Variants in SLC24A4 observed in about 807,000 individuals in gnomAD.
SLC24A4 encodes the protein solute carrier family 24 member 4, also known as sodium/potassium/calcium exchanger 4.
In SLC24A4, 53 loss-of-function variants were observed where a neutral mutation model predicts 79.0. That is an observed-to-expected ratio of 0.67 (90% CI 0.54 to 0.84). The LOEUF is 0.84. Among genes scored for constraint, SLC24A4 ranks in the 40% least tolerant of loss-of-function variants. The pLI, the probability that SLC24A4 is intolerant of heterozygous loss-of-function variation, is 0.00. For synonymous variants in SLC24A4, 323 were observed against 323.8 expected (o/e 1.00, Z 0.03); for missense variants, 731 against 822.0 (o/e 0.89, Z 1.35).
At chr14:92,361,359 G>A (rs1161345008) in intron 2 of SLC24A4, among the ~76,000 whole-genome samples, 1 of 151,788 alleles carries the variant, frequency 6.6e-6, no homozygotes, top group Non-Finnish European at 1.5e-5. Flanking sequence ...AAGCAAGGTT[G>A]GGAAGGGAGG....
At chr14:92,483,663 G>A in intron 13 of SLC24A4, 1 of 1,182,402 alleles carries the variant, frequency 8.5e-7, no homozygotes, top group Non-Finnish European at 1.1e-6. Context: ...GGCCACACAG[G>A]AGCCTCCTTC....
At chr14:92,474,855 A>ACACATATATATG (rs2139902269) in intron 12 of SLC24A4, among the ~76,000 whole-genome samples, 1 of 16,728 alleles carries the variant, frequency 6.0e-5, no homozygotes, top group African/African-American at 1.4e-4. Context: ...ATATATATAT[A>ACACATATATATG]TATATATATT....
chr14:92,499,095 T>C lies in SLC24A4; in HGVS notation c.*5467T>C, dbSNP rs1349783583. On this transcript the variant is annotated 3_prime_UTR_variant, in exon 17 of 17. Coordinates refer to ENST00000532405, the MANE Select transcript of SLC24A4 (RefSeq NM_153646.4). ...TCCTAACTTTTCAATGACAAATGGC[T>C]CCCAGGTGCCATAGTCTCTGTTAAA... 6.6e-6 allele frequency: 1 copy of C among 152,194 alleles called. No homozygotes were observed. Among genetic ancestry groups the C allele is most frequent in the Non-Finnish European group, 1.5e-5 (1 of 68,026 alleles). The allele number at this position is 152,194 out of a possible 1,614,324, so 9.4% of individuals were successfully genotyped here.
At chr14:92,450,904 A>C (rs1298446232) in intron 10 of SLC24A4, 3 of 152,310 alleles carry the variant, frequency 2.0e-5, no homozygotes, top group Non-Finnish European at 2.9e-5. Context: ...ACCTTCCCAG[A>C]GCAACCCAGG....
intron 2 of SLC24A4, among the ~76,000 whole-genome samples, chr14:92,337,932 C>G (rs1885908533): frequency 1.3e-5 from 2 of 152,014 alleles, no homozygotes; most frequent in Admixed American, 6.6e-5. Context: ...TCGGAGCTGC[C>G]CTCTGATAAA....
In SLC24A4 at chr14:92,329,648, G is replaced by A. The variant is rs141192347; in HGVS notation, c.241+3670G>A. Among the ~76,000 whole-genome samples the A allele has an allele frequency of 4.5e-3, 678 of 152,276 alleles. 2 individuals carry two copies. The highest frequency in any genetic ancestry group is 7.0e-3 in the Non-Finnish European group (479 of 68,018). ...AGTGATTATCCTGCTTCAGCCTCCC[G>A]AGTAGCTGGGACCACAGGCTATTTT... On this transcript the variant is annotated intron_variant, in intron 2 of 16. Transcript: ENST00000532405.
At chr14:92,383,766 A>G (rs921113801) in intron 2 of SLC24A4, among the ~76,000 whole-genome samples, 10 of 150,520 alleles carry the variant, frequency 6.6e-5, no homozygotes, top group Non-Finnish European at 1.3e-4. Flanking sequence ...GATGCTTCCC[A>G]GACATCTACA....
intron 2 of SLC24A4, among the ~76,000 whole-genome samples, chr14:92,347,651 G>A (rs1270151687): frequency 1.3e-5 from 2 of 152,180 alleles, no homozygotes; most frequent in African/African-American, 2.4e-5. Flanking sequence ...TTTCAAGGCC[G>A]GGTGAGGTGG....
At chr14:92,384,111 G>A (rs1889010430) in intron 2 of SLC24A4, among the ~76,000 whole-genome samples, 1 of 152,156 alleles carries the variant, frequency 6.6e-6, no homozygotes, top group Non-Finnish European at 1.5e-5. Flanking sequence ...GCCTTGCCTG[G>A]TGGTTGTTTT....
intron 12 of SLC24A4, among the ~76,000 whole-genome samples, chr14:92,478,356 A>G (rs1894883702): frequency 6.6e-6 from 1 of 152,160 alleles, no homozygotes; most frequent in South Asian, 2.1e-4. Flanking sequence ...TCTTTTGCCT[A>G]TGGGTATCCA....
intron 2 of SLC24A4, among the ~76,000 whole-genome samples, chr14:92,338,910 G>A (rs1885967674): frequency 6.6e-6 from 1 of 152,208 alleles, no homozygotes; most frequent in Non-Finnish European, 1.5e-5. Flanking sequence ...GCTTGGAAGT[G>A]AGACAGGAGT....
At chr14:92,360,393 G>A (rs77694540) in intron 2 of SLC24A4, among the ~76,000 whole-genome samples, 1,922 of 152,312 alleles carry the variant, frequency 0.013, 29 homozygotes, top group Middle Eastern at 0.024. Flanking sequence ...GTGCCACTGT[G>A]CCTAGCCCTG....
intron 2 of SLC24A4, among the ~76,000 whole-genome samples, chr14:92,384,863 A>G (rs1434650244): frequency 6.6e-6 from 1 of 152,208 alleles, no homozygotes; most frequent in African/African-American, 2.4e-5. Flanking sequence ...GATTTAAGAA[A>G]TGGAGCTCTG....
At chr14:92,328,032 G>A (rs921854365) in intron 2 of SLC24A4, among the ~76,000 whole-genome samples, 2 of 150,812 alleles carry the variant, frequency 1.3e-5, no homozygotes, top group African/African-American at 2.4e-5. Flanking sequence ...CAAGATACAC[G>A]AAGTTCAGAA....
At chr14:92,380,097 G>A (rs1566727116) in intron 2 of SLC24A4, among the ~76,000 whole-genome samples, 2 of 152,138 alleles carry the variant, frequency 1.3e-5, no homozygotes, top group African/African-American at 2.4e-5. Flanking sequence ...CATAGGGGAG[G>A]GCCACAGACA....
intron 2 of SLC24A4, among the ~76,000 whole-genome samples, chr14:92,377,012 AG>A (rs1241192330): frequency 6.6e-6 from 1 of 152,166 alleles, no homozygotes; most frequent in Non-Finnish European, 1.5e-5. Context: ...GCTCCTCGTG[AG>A]GGGCTCATCA....
In SLC24A4 at chr14:92,342,363, CATTT is replaced by C. The variant is rs10664923; in HGVS notation, c.241+16418_241+16421del. On this transcript the variant is annotated intron_variant, in intron 2 of 16. Coordinates refer to ENST00000532405, the MANE Select transcript of SLC24A4 (RefSeq NM_153646.4). ...GCTCCCAGATTCTTCTTTTTTTCCC[CATTT>C]ATTTATTTATTTATTTATTTATTTA... 1.4e-3 allele frequency among the ~76,000 whole-genome samples: 188 copies of C among 137,914 alleles called. 1 individual carries two copies. Among genetic ancestry groups the C allele is most frequent in the Admixed American group, 3.2e-3 (44 of 13,830 alleles). The allele number at this position is 137,914 out of a possible 152,430, so 90.5% of individuals were successfully genotyped here.
At position 92,329,289 on chromosome 14, in the gene SLC24A4, T is replaced by C. The variant is rs373199120; in HGVS notation, c.241+3311T>C. On this transcript the variant is annotated intron_variant, in intron 2 of 16. Coordinates refer to ENST00000532405, the MANE Select transcript of SLC24A4 (RefSeq NM_153646.4). The stretch of plus-strand genomic sequence containing the variant: ...CTTAAGAACCTCCGGTGTGTGTCTT[T>C]ATTGCCTGTGCCTTCTCATGCTCAT... Among the ~76,000 whole-genome samples the C allele has an allele frequency of 3.5e-4, 53 of 152,362 alleles. 2 individuals are homozygous for C. Among genetic ancestry groups the C allele is most frequent in the African/African-American group, 9.4e-4 (39 of 41,588 alleles).
intron 2 of SLC24A4, among the ~76,000 whole-genome samples, chr14:92,357,199 C>A (rs560101476): frequency 6.6e-6 from 1 of 152,150 alleles, no homozygotes; most frequent in Non-Finnish European, 1.5e-5. Flanking sequence ...CATCTGTGGC[C>A]GACTGGCACA....
Sources: gnomAD v4.1 joint callset for allele counts (sites outside exome capture counted in the v4.1 genomes callset) on GRCh38, gnomAD v4.1.1 for gene constraint, MANE v1.5 for transcripts, NCBI Gene and HGNC (gene_info 2026-07-23, HGNC 2026-07-21) for gene names.